IFT22: variants seen among roughly 807,000 people sequenced by gnomAD.
IFT22 encodes the protein intraflagellar transport 22.
A neutral mutation model predicts 21.0 loss-of-function variants in IFT22; 13 were observed. The observed-to-expected ratio is 0.62, with a 90% CI of 0.40 to 0.98. The LOEUF is 0.98. Ranked by LOEUF, IFT22 falls within the 50% of genes least tolerant of loss-of-function variation. The probability of loss-of-function intolerance (pLI) is 0.00; values close to 1 mark genes in which losing one functional copy is unlikely to be tolerated. For missense variants in IFT22, 227 were observed against 228.9 expected, an observed-to-expected ratio of 0.99 and a Z score of 0.06; for synonymous variants, 67 against 82.4, an observed-to-expected ratio of 0.81 and a Z score of 1.01.
intron 1 of IFT22, among the ~76,000 whole-genome samples, chr7:101,320,551 GC>G (rs957979468): frequency 5.9e-5 from 8 of 136,468 alleles, no homozygotes. Context: ...GAGCCACCGC[GC>G]CCGGCCTTTT....
chr7:101,320,246 C>G (rs1435648348), intron 1 of IFT22, among the ~76,000 whole-genome samples: 2 of 150,912 alleles, frequency 1.3e-5, no homozygotes, highest in Non-Finnish European at 2.9e-5. Flanking sequence ...CGTGAGCCTC[C>G]GCATCCGGCT....
rs949877727 is a variant in IFT22, at chr7:101,311,950, G to T, written c.*3184C>A. On this transcript the variant is annotated 3_prime_UTR_variant, in exon 5 of 5. Coordinates refer to ENST00000315322, the MANE Select transcript of IFT22 (RefSeq NM_022777.4). Reference sequence around the variant, plus strand: ...TTGAACCCGGAGGGTGGAGATTGCAGTGAGACTCTCAAAAAAACAAAACAA... The same window carrying T: ...TTGAACCCGGAGGGTGGAGATTGCATTGAGACTCTCAAAAAAACAAAACAA... Among the ~76,000 whole-genome samples, 8 of 152,160 alleles carry T rather than the reference G, an allele frequency of 5.3e-5. No homozygotes were observed. The highest frequency in any genetic ancestry group is 7.3e-5 in the Non-Finnish European group (5 of 68,030).
intron 1 of IFT22, among the ~76,000 whole-genome samples, chr7:101,320,856 A>C (rs576973533): frequency 3.4e-4 from 51 of 152,084 alleles, no homozygotes; most frequent in African/African-American, 1.2e-3. Flanking sequence ...CAAATAATTA[A>C]CAAATTAAGG....
rs1441644337 is a variant in IFT22, at chr7:101,311,962, A to G, written c.*3172T>C. 6.6e-6 allele frequency among the ~76,000 whole-genome samples: 1 copy of G among 152,036 alleles called. No individual in the cohort carries two copies. ...GGTGGAGATTGCAGTGAGACTCTCA[A>G]AAAAACAAAACAACACAAAAAAATC... On this transcript the variant is annotated 3_prime_UTR_variant, in exon 5 of 5. Coordinates refer to ENST00000315322, the MANE Select transcript of IFT22 (RefSeq NM_022777.4).
At chr7:101,317,022 G>T (rs4729684) in intron 3 of IFT22, among the ~76,000 whole-genome samples, 1 of 151,642 alleles carries the variant, frequency 6.6e-6, no homozygotes, top group Admixed American at 6.6e-5. Context: ...GCAGTTGTGG[G>T]ATCATAGCTC....
intron 2 of IFT22, 112 bp downstream of exon 2, chr7:101,318,844 C>G (rs1790243180): frequency 1.4e-5 from 11 of 802,830 alleles, no homozygotes; most frequent in Non-Finnish European, 2.4e-5. Context: ...CTATATTGCC[C>G]AGGCCTCAGG....
intron 3 of IFT22, among the ~76,000 whole-genome samples, chr7:101,317,243 CCA>C (rs754460962): frequency 5.3e-5 from 8 of 152,072 alleles, no homozygotes; most frequent in Non-Finnish European, 8.8e-5. Context: ...ACCGCAATGT[CCA>C]CCTCCCAGGT....
rs760487631 is a variant in IFT22 at position 101,318,179 on chromosome 7, T to A, written c.151A>T (p.Asn51Tyr). 11 of 1,613,444 alleles carry A rather than the reference T, an allele frequency of 6.8e-6. No homozygotes were observed. Among genetic ancestry groups the A allele is most frequent in the South Asian group, 2.2e-5 (2 of 91,090 alleles). Residue 51 changes from asparagine (N) to tyrosine (Y), a missense_variant, in exon 3 of 5, where the codon AAC (asparagine) becomes TAC (tyrosine). Transcript: ENST00000315322. ...AATTCACAGCCCGTGCCTTTGTTGT[T>A]GCTGGTAACATGCGGGTTCTCAAAT... ...LEFENPHVTS[N>Y]NKGTGCEFEL...
intron 1 of IFT22, among the ~76,000 whole-genome samples, chr7:101,319,488 G>C (rs187240279): frequency 6.6e-6 from 1 of 152,196 alleles, no homozygotes; most frequent in East Asian, 1.9e-4. Context: ...CTCCCAGAGT[G>C]CTGGGTTTAT....
At position 101,313,009 on chromosome 7, in the gene IFT22, T is replaced by G. The variant is rs186539822; in HGVS notation, c.*2125A>C. On this transcript the variant is annotated 3_prime_UTR_variant, in exon 5 of 5. Transcript: ENST00000315322. ...CTACCACGCCCAGCTAATTTTTGTATTTTTAGTAGAGACGGGGTTTCACCA... is the reference window on the plus strand; with the variant it reads ...CTACCACGCCCAGCTAATTTTTGTAGTTTTAGTAGAGACGGGGTTTCACCA... Among the ~76,000 whole-genome samples the G allele has an allele frequency of 1.1e-4, 16 of 152,022 alleles. No homozygotes were observed. Among genetic ancestry groups the G allele is most frequent in the Non-Finnish European group, 1.8e-4 (12 of 67,970 alleles).
chr7:101,317,016 T>C (rs1435878381), intron 3 of IFT22, among the ~76,000 whole-genome samples: 1 of 151,964 alleles, frequency 6.6e-6, no homozygotes, highest in Non-Finnish European at 1.5e-5. Context: ...TGAAGTGCAG[T>C]TGTGGGATCA....
chr7:101,313,166 CAT>C lies in IFT22; in HGVS notation c.*1966_*1967del, dbSNP rs1304407802. ...TCAAGCAATTCTTATGCCTCAGCCA[CAT>C]GAGTAGCTGGTATTACAGGTGTGTG... On this transcript the variant is annotated 3_prime_UTR_variant, in exon 5 of 5. Transcript: ENST00000315322. Among the ~76,000 whole-genome samples the C allele has an allele frequency of 4.6e-5, 7 of 152,138 alleles. No homozygotes were observed. The highest frequency in any genetic ancestry group is 4.1e-4 in the South Asian group (2 of 4,832).
rs1312849661 is a variant in IFT22 at position 101,312,058 on chromosome 7, A to G, written c.*3076T>C. On this transcript the variant is annotated 3_prime_UTR_variant, in exon 5 of 5. Transcript: ENST00000315322. ...CTCACCGTATCTAGTGATTCTGTAC[A>G]TTAAATCTTTTGAACATGTTTACCA... Among the ~76,000 whole-genome samples, 5 of 152,156 alleles carry G rather than the reference A, an allele frequency of 3.3e-5. No individual in the cohort carries two copies. Among genetic ancestry groups the G allele is most frequent in the East Asian group, 1.9e-4 (1 of 5,198 alleles).
At chr7:101,317,037 C>T (rs564456206) in intron 3 of IFT22, among the ~76,000 whole-genome samples, 70 of 152,084 alleles carry the variant, frequency 4.6e-4, no homozygotes, top group Non-Finnish European at 8.4e-4. Context: ...TAGCTCACTG[C>T]AGCCTCCAAT....
At chr7:101,318,307 G>A (rs889573496) in intron 2 of IFT22, 94 bp from the exon 3 acceptor site, 6 of 871,378 alleles carry the variant, frequency 6.9e-6, no homozygotes, top group Admixed American at 4.1e-5. Flanking sequence ...ATCACTTGAG[G>A]TCAGGAGTTC....
At position 101,312,532 on chromosome 7, in the gene IFT22, TG is replaced by T. The variant is rs1462336018; in HGVS notation, c.*2601del. 2.3e-4 allele frequency among the ~76,000 whole-genome samples: 32 copies of T among 137,512 alleles called. No individual in the cohort carries two copies. Among genetic ancestry groups the T allele is most frequent in the South Asian group, 9.3e-4 (4 of 4,318 alleles). The allele number at this position is 137,512 out of a possible 152,430, so 90.2% of individuals were successfully genotyped here. A position where few individuals can be genotyped will look rare whatever the true frequency, so the allele number is the denominator to read the frequency against. On this transcript the variant is annotated 3_prime_UTR_variant, in exon 5 of 5. Coordinates refer to ENST00000315322, the MANE Select transcript of IFT22 (RefSeq NM_022777.4). Reference sequence around the variant, plus strand: ...ATAAATATAATGTTTTGGAGAGAGTTGTTTTTTTTTTTTTTTTTTTTGTGAC... The same window carrying T: ...ATAAATATAATGTTTTGGAGAGAGTTTTTTTTTTTTTTTTTTTTTTGTGAC...
chr7:101,317,995 T>G lies in IFT22; in HGVS notation c.206+129A>C, dbSNP rs776225367. On this transcript the variant is annotated intron_variant, in intron 3 of 4. Transcript: ENST00000315322. ...GTTGGCCAGGCTGCTCTTGAACTCT[T>G]CTCCTCAGGTGAGCCACCCACCTTG... The G allele has an allele frequency of 2.3e-4, 159 of 704,624 alleles. 1 individual carries two copies. The highest frequency in any genetic ancestry group is 3.4e-4 in the Non-Finnish European group (132 of 392,624). 43.6% of individuals were successfully genotyped at this position (704,624 alleles called of 1,614,324 possible).
chr7:101,319,986 C>T (rs1289486496), intron 1 of IFT22, among the ~76,000 whole-genome samples: 2 of 150,824 alleles, frequency 1.3e-5, no homozygotes, highest in African/African-American at 4.9e-5. Flanking sequence ...GATGGAGTTT[C>T]GCTCTTGTTC....
chr7:101,311,505 C>T lies in IFT22; in HGVS notation c.*3629G>A, dbSNP rs1789978936. 6.6e-6 allele frequency among the ~76,000 whole-genome samples: 1 copy of T among 152,032 alleles called. No individual in the cohort carries two copies. The highest frequency in any genetic ancestry group is 2.4e-5 in the African/African-American group (1 of 41,392). ...GGGAATTGTCATGGTCTAGAAAAGC[C>T]ACTCTCTCCAGTAGACTGCTCACAC... On this transcript the variant is annotated 3_prime_UTR_variant, in exon 5 of 5. Coordinates refer to ENST00000315322, the MANE Select transcript of IFT22 (RefSeq NM_022777.4).
Sources: allele counts gnomAD v4.1 joint callset (sites outside exome capture counted in the v4.1 genomes callset), GRCh38; gene constraint gnomAD v4.1.1; transcripts MANE v1.5; gene names NCBI Gene and HGNC (gene_info 2026-07-23, HGNC 2026-07-21).